Variants in RXFP1 observed in about 807,000 individuals in gnomAD.
RXFP1 encodes the protein relaxin family peptide receptor 1, also known as relaxin receptor 1.
In RXFP1, 73 loss-of-function variants were observed where a neutral mutation model predicts 89.8. That is an observed-to-expected ratio of 0.81 (90% CI 0.67 to 0.99). The LOEUF is 0.99. RXFP1 is among the 50% of genes least tolerant of loss of function. RXFP1 has a pLI of 0.00. For synonymous variants in RXFP1, 277 were observed against 305.5 expected (o/e 0.91, Z 0.97); for missense variants, 793 against 895.5 (o/e 0.89, Z 1.46).
chr4:158,574,916 T>C (rs1579747938), intron 2 of RXFP1, among the ~76,000 whole-genome samples: 1 of 152,184 alleles, frequency 6.6e-6, no homozygotes, highest in African/African-American at 2.4e-5. Flanking sequence ...CTTGTTAAAA[T>C]AAATTAATAT....
At chr4:158,601,410 A>G (rs1473028733) in intron 4 of RXFP1, among the ~76,000 whole-genome samples, 2 of 152,192 alleles carry the variant, frequency 1.3e-5, no homozygotes, top group African/African-American at 4.8e-5. Flanking sequence ...TGAGATTAAC[A>G]GGTCACTCAG....
At chr4:158,643,575 G>A (rs113515177) in intron 14 of RXFP1, among the ~76,000 whole-genome samples, 5 of 149,576 alleles carry the variant, frequency 3.3e-5, no homozygotes, top group African/African-American at 4.9e-5. Flanking sequence ...AGGTTCAAGC[G>A]ATTCTCCTGC....
chr4:158,593,266 A>G (rs1759884264), intron 2 of RXFP1, 135 bp from the exon 3 acceptor site: 1 of 453,860 alleles, frequency 2.2e-6, no homozygotes, highest in Non-Finnish European at 3.9e-6. Context: ...CGTTTATAGC[A>G]AGTTTCCAGA....
chr4:158,537,919 G>A (rs1745653255), intron 1 of RXFP1, among the ~76,000 whole-genome samples: 1 of 152,152 alleles, frequency 6.6e-6, no homozygotes, highest in African/African-American at 2.4e-5. Flanking sequence ...CCTGAGGGAG[G>A]GATACTTATG....
intron 1 of RXFP1, among the ~76,000 whole-genome samples, chr4:158,549,862 TG>T (rs796878254): frequency 6.6e-6 from 1 of 152,080 alleles, no homozygotes; most frequent in African/African-American, 2.4e-5. Flanking sequence ...CTGCCCCTAC[TG>T]GGGGGGTGCC....
chr4:158,539,370 T>C (rs56220500), intron 1 of RXFP1, among the ~76,000 whole-genome samples: 4,685 of 152,068 alleles, frequency 0.031, 229 homozygotes, highest in African/African-American at 0.11. Flanking sequence ...TTAGGAGATA[T>C]ACCTAATGTT....
chr4:158,554,836 C>A (rs1056908291), intron 1 of RXFP1, among the ~76,000 whole-genome samples: 2 of 151,868 alleles, frequency 1.3e-5, no homozygotes, highest in African/African-American at 4.8e-5. Flanking sequence ...CATAGCTGTG[C>A]GGAAACATTA....
At chr4:158,573,362 G>A (rs1755543758) in intron 2 of RXFP1, among the ~76,000 whole-genome samples, 1 of 152,180 alleles carries the variant, frequency 6.6e-6, no homozygotes, top group African/African-American at 2.4e-5. Context: ...CCAGGCGAGT[G>A]GTGGTTGCTC....
At chr4:158,605,162 G>A (rs751538090) in intron 5 of RXFP1, 23 bp downstream of exon 5, 3 of 1,453,252 alleles carry the variant, frequency 2.1e-6, no homozygotes, top group Non-Finnish European at 2.9e-6. Context: ...TTAATTCCTG[G>A]TATTACAATT....
At chr4:158,607,093 A>G (rs1762666256) in intron 5 of RXFP1, 5 of 1,535,984 alleles carry the variant, frequency 3.3e-6, no homozygotes, top group African/African-American at 1.4e-5. Context: ...ACATGAAGGC[A>G]GCCTTGAAAT....
At chr4:158,552,717 G>A (rs1468824085) in intron 1 of RXFP1, among the ~76,000 whole-genome samples, 1 of 152,156 alleles carries the variant, frequency 6.6e-6, no homozygotes, top group Non-Finnish European at 1.5e-5. Context: ...AAATTGTAAT[G>A]AAAACTATAA....
At chr4:158,535,090 C>T (rs1466513463) in intron 1 of RXFP1, among the ~76,000 whole-genome samples, 1 of 151,806 alleles carries the variant, frequency 6.6e-6, no homozygotes, top group Non-Finnish European at 1.5e-5. Flanking sequence ...GAACTGGTTG[C>T]AGATTTACCC....
intron 1 of RXFP1, among the ~76,000 whole-genome samples, chr4:158,563,890 A>G (rs1019221258): frequency 4.0e-5 from 6 of 148,298 alleles, no homozygotes; most frequent in African/African-American, 9.8e-5. Flanking sequence ...AATGTTACAT[A>G]TTATATAACA....
chr4:158,595,924 A>C (rs1383652700), intron 3 of RXFP1, among the ~76,000 whole-genome samples: 1 of 151,716 alleles, frequency 6.6e-6, no homozygotes, highest in Non-Finnish European at 1.5e-5. Context: ...AGGTAGGAAG[A>C]TCTCACTTGA....
At chr4:158,646,653 T>C (rs1771608643) in intron 15 of RXFP1, 138 bp from the exon 16 acceptor site, 3 of 1,440,630 alleles carry the variant, frequency 2.1e-6, no homozygotes, top group Middle Eastern at 1.9e-4. Flanking sequence ...AAATGAATTA[T>C]TAGGAGAATA....
chr4:158,617,152 C>T lies in RXFP1; in HGVS notation c.702C>T (p.Leu234=), dbSNP rs1313116417. ...LILLVLMNNV[L]TRLPDKPLCQ... ...TCAGAGTCCTGATGAATAACGTCCTCACCCGTTTACCTGATAAACCTCTCT... is the reference window on the plus strand; with the variant it reads ...TCAGAGTCCTGATGAATAACGTCCTTACCCGTTTACCTGATAAACCTCTCT... Residue 234 remains leucine (L), a synonymous_variant, in exon 9 of 18, where the codon CTC becomes CTT. Coordinates refer to ENST00000307765, the MANE Select transcript of RXFP1 (RefSeq NM_021634.4). 1.2e-6 allele frequency: 2 copies of T among 1,609,170 alleles called. No individual in the cohort carries two copies. The highest frequency in any genetic ancestry group is 1.7e-6 in the Non-Finnish European group (2 of 1,177,326).
At chr4:158,629,623 T>G (rs1418926371) in intron 11 of RXFP1, among the ~76,000 whole-genome samples, 1 of 152,026 alleles carries the variant, frequency 6.6e-6, no homozygotes, top group Non-Finnish European at 1.5e-5. Context: ...TTTCTTTTCA[T>G]TTTTTGTTTG....
chr4:158,633,512 T>C, intron 12 of RXFP1, 36 bp downstream of exon 12: 1 of 1,298,476 alleles, frequency 7.7e-7, no homozygotes, highest in African/African-American at 1.5e-5. Context: ...CTCGTTTCTT[T>C]ATTTTATTAT....
At chr4:158,635,317 G>A (rs1398395664) in intron 12 of RXFP1, among the ~76,000 whole-genome samples, 1 of 151,936 alleles carries the variant, frequency 6.6e-6, no homozygotes. Context: ...ATTTTCTTTT[G>A]TGATTATTCA....
Sources: allele counts gnomAD v4.1 joint callset (sites outside exome capture counted in the v4.1 genomes callset), GRCh38; gene constraint gnomAD v4.1.1; transcripts MANE v1.5; gene names NCBI Gene and HGNC (gene_info 2026-07-23, HGNC 2026-07-21).